INTS8: variants seen among roughly 807,000 people sequenced by gnomAD.
The protein encoded by INTS8 is protein kaonashi-1.
Under a neutral mutation model 138.9 loss-of-function variants are expected in INTS8, and 47 were observed. The ratio of observed to expected loss-of-function variants is 0.34; its 90% confidence interval spans 0.27 to 0.43. INTS8 has a LOEUF of 0.43. Among genes scored for constraint, INTS8 ranks in the 20% least tolerant of loss-of-function variants. The probability of loss-of-function intolerance (pLI) is 1.00; values close to 1 mark genes in which losing one functional copy is unlikely to be tolerated. For synonymous variants in INTS8, 392 were observed against 400.9 expected, an observed-to-expected ratio of 0.98 and a Z score of 0.27; for missense variants, 996 against 1,173.0, an observed-to-expected ratio of 0.85 and a Z score of 2.20.
chr8:94,845,523 C>T (rs1218836215), intron 10 of INTS8, among the ~76,000 whole-genome samples: 1 of 152,132 alleles, frequency 6.6e-6, no homozygotes, highest in African/African-American at 2.4e-5. Context: ...AGTGCAGTGG[C>T]ACAATCTTGG....
At chr8:94,849,430 C>G in intron 10 of INTS8, 32 bp from the exon 11 acceptor site, 2 of 1,003,354 alleles carry the variant, frequency 2.0e-6, no homozygotes, top group Non-Finnish European at 3.0e-6. Context: ...TATAAGTACC[C>G]ATATTCAAAT....
chr8:94,877,705 G>C (rs1028884555), intron 26 of INTS8, among the ~76,000 whole-genome samples: 7 of 152,038 alleles, frequency 4.6e-5, no homozygotes, highest in Admixed American at 3.9e-4. Context: ...TTTTTACTCT[G>C]TACCAGCCAC....
At chr8:94,870,500 G>C (rs1035387819) in intron 20 of INTS8, among the ~76,000 whole-genome samples, 1 of 152,176 alleles carries the variant, frequency 6.6e-6, no homozygotes, top group Non-Finnish European at 1.5e-5. Flanking sequence ...TATTTCTCCT[G>C]AGTGGGACTC....
intron 13 of INTS8, among the ~76,000 whole-genome samples, chr8:94,852,484 G>T (rs1327172304): frequency 6.6e-6 from 1 of 152,014 alleles, no homozygotes; most frequent in African/African-American, 2.4e-5. Context: ...GGAAGTAATC[G>T]ACAGATACAG....
chr8:94,869,658 A>C (rs1816318184), intron 20 of INTS8, among the ~76,000 whole-genome samples: 1 of 151,796 alleles, frequency 6.6e-6, no homozygotes, highest in African/African-American at 2.4e-5. Context: ...AAACACAGCT[A>C]ATTTTTGTAT....
At chr8:94,823,626 T>G (rs116966031) in intron 1 of INTS8, 65 bp downstream of exon 1, 45,651 of 1,306,214 alleles carry the variant, frequency 0.035, 911 homozygotes, top group African/African-American at 0.04. Context: ...CCAGCTTCCC[T>G]CCGCTCCCCG....
chr8:94,826,691 A>AT (rs1341832564), intron 2 of INTS8, among the ~76,000 whole-genome samples: 2 of 152,224 alleles, frequency 1.3e-5, no homozygotes, highest in African/African-American at 4.8e-5. Context: ...GTGGGGAAGA[A>AT]TAGAGATGAA....
intron 16 of INTS8, among the ~76,000 whole-genome samples, chr8:94,863,073 C>G (rs1208561431): frequency 6.6e-6 from 1 of 152,238 alleles, no homozygotes; most frequent in Non-Finnish European, 1.5e-5. Context: ...ACTGTCTAGT[C>G]TGCCCCTTGG....
In INTS8 at chr8:94,865,704, C is replaced by T. The variant is rs1344800681; in HGVS notation, c.2261+14C>T. 1.5e-5 allele frequency: 24 copies of T among 1,606,056 alleles called. No homozygotes were observed. Among genetic ancestry groups the T allele is most frequent in the Non-Finnish European group, 1.9e-5 (22 of 1,173,470 alleles). On this transcript the variant is annotated intron_variant, in intron 17 of 26. Coordinates refer to ENST00000523731, the MANE Select transcript of INTS8 (RefSeq NM_017864.4). ...TATCATGTATCGGTATGTATTGGTACGTTTCTATTAGTTGTGTTTGAGTTC... is the reference window on the plus strand; with the variant it reads ...TATCATGTATCGGTATGTATTGGTATGTTTCTATTAGTTGTGTTTGAGTTC...
chr8:94,867,256 C>T lies in INTS8; in HGVS notation c.2353-20C>T. 1 of 1,580,700 alleles carries T rather than the reference C, an allele frequency of 6.3e-7. No homozygotes were observed. Among genetic ancestry groups the T allele is most frequent in the Non-Finnish European group, 8.6e-7 (1 of 1,158,232 alleles). ...AAAGAAATTTCTTTGTAAATCACAC[C>T]TTTTTTTTTCTTTTTAAAGGAGGAC... On this transcript the variant is annotated intron_variant, in intron 19 of 26. Coordinates refer to ENST00000523731, the MANE Select transcript of INTS8 (RefSeq NM_017864.4).
chr8:94,880,098 T>A lies in INTS8; in HGVS notation c.2872-20T>A. The A allele has an allele frequency of 6.4e-7, 1 of 1,552,258 alleles. No homozygotes were observed. Among genetic ancestry groups the A allele is most frequent in the Non-Finnish European group, 8.8e-7 (1 of 1,134,516 alleles). On this transcript the variant is annotated intron_variant, in intron 26 of 26. Transcript: ENST00000523731. ...AATTTTTGACACACCTCTAATAACA[T>A]CACTTTTCTGTTTTGGAAGATCAAA...
intron 10 of INTS8, among the ~76,000 whole-genome samples, chr8:94,848,536 A>G (rs1159169242): frequency 1.3e-5 from 2 of 152,110 alleles, no homozygotes; most frequent in African/African-American, 4.8e-5. Context: ...TAATTTCTCT[A>G]TAGATTTATC....
intron 16 of INTS8, among the ~76,000 whole-genome samples, chr8:94,862,023 C>T (rs889655186): frequency 6.6e-6 from 1 of 152,188 alleles, no homozygotes; most frequent in East Asian, 1.9e-4. Flanking sequence ...TCATTGCAAC[C>T]TCTACCTCCC....
intron 20 of INTS8, among the ~76,000 whole-genome samples, chr8:94,870,688 T>C (rs1816364346): frequency 6.6e-6 from 1 of 152,240 alleles, no homozygotes; most frequent in Non-Finnish European, 1.5e-5. Context: ...TATTTGCTAA[T>C]AATCCCACAA....
At chr8:94,856,732 G>C (rs1815760158) in intron 14 of INTS8, 45 bp from the exon 15 acceptor site, 1 of 1,526,654 alleles carries the variant, frequency 6.6e-7, no homozygotes. Flanking sequence ...ACATTTTTTG[G>C]CGCCAAAGGA....
chr8:94,867,289 A>C lies in INTS8; in HGVS notation c.2366A>C (p.Asn789Thr). The C allele has an allele frequency of 6.2e-7, 1 of 1,611,824 alleles. No homozygotes were observed. ...KLHNVREDIV[N>T]DITAEHISIW... Reference sequence around the variant, plus strand: ...TTCTTTTTAAAGGAGGACATTGTGAATGATATTACAGCTGAACACATTTCT... The same window carrying C: ...TTCTTTTTAAAGGAGGACATTGTGACTGATATTACAGCTGAACACATTTCT... The change falls in exon 20 of 27, where the codon AAT (asparagine) becomes ACT (threonine). Residue 789 changes from asparagine (N) to threonine (T), a missense_variant. Asn to Thr is a moderately conservative substitution (Grantham distance 65). Transcript: ENST00000523731.
chr8:94,877,285 C>T (rs1005260476), intron 26 of INTS8, among the ~76,000 whole-genome samples: 1 of 152,138 alleles, frequency 6.6e-6, no homozygotes, highest in Non-Finnish European at 1.5e-5. Flanking sequence ...TTTGCTCTTT[C>T]ACTTATATTA....
At chr8:94,862,475 G>T (rs1212234189) in intron 16 of INTS8, among the ~76,000 whole-genome samples, 1 of 152,198 alleles carries the variant, frequency 6.6e-6, no homozygotes, top group African/African-American at 2.4e-5. Context: ...GTGGAGCTGT[G>T]CACCAGGAGA....
intron 2 of INTS8, among the ~76,000 whole-genome samples, chr8:94,825,425 CG>C (rs1172581221): frequency 7.4e-6 from 1 of 134,474 alleles, no homozygotes; most frequent in Non-Finnish European, 1.6e-5. Flanking sequence ...GAGTAAGACT[CG>C]GAAAAAAAAA....
Sources: gnomAD v4.1 joint callset for allele counts (sites outside exome capture counted in the v4.1 genomes callset) on GRCh38, gnomAD v4.1.1 for gene constraint, MANE v1.5 for transcripts, NCBI Gene and HGNC (gene_info 2026-07-23, HGNC 2026-07-21) for gene names.